Variants in RELN observed in about 807,000 individuals in gnomAD.
RELN encodes reelin.
In RELN, 108 loss-of-function variants were observed where a neutral mutation model predicts 427.6. The observed-to-expected ratio is 0.25, with a 90% CI of 0.22 to 0.30. The LOEUF (loss-of-function observed/expected upper bound fraction) is 0.30, where lower values mean the gene tolerates loss of function less well. RELN is among the 10% of genes least tolerant of loss of function. The pLI, the probability that RELN is intolerant of heterozygous loss-of-function variation, is 1.00. For synonymous variants in RELN, 1,524 were observed against 1,513.4 expected (o/e 1.01, Z -0.16); for missense variants, 3,715 against 4,302.8 (o/e 0.86, Z 3.82).
At chr7:103,761,711 C>T (rs1309357159) in intron 4 of RELN, among the ~76,000 whole-genome samples, 1 of 152,152 alleles carries the variant, frequency 6.6e-6, no homozygotes, top group East Asian at 1.9e-4. Context: ...CCGCCTCAGC[C>T]TCCCAAAGTG....
At chr7:103,923,552 G>A (rs755010858) in intron 1 of RELN, among the ~76,000 whole-genome samples, 32 of 152,118 alleles carry the variant, frequency 2.1e-4, no homozygotes, top group Non-Finnish European at 4.0e-4. Flanking sequence ...AATGAAAAGA[G>A]ATCTTAAATA....
chr7:103,540,514 C>A lies in RELN; in HGVS notation c.6672-59G>T, dbSNP rs1420624419. On this transcript the variant is annotated intron_variant, in intron 43 of 64. Coordinates refer to ENST00000428762, the MANE Select transcript of RELN (RefSeq NM_005045.4). Reference sequence around the variant, plus strand: ...TTCCAAAAGAAATCCACATGCTTAACAACAGACAAGCACATGGGGTAATGC... The same window carrying A: ...TTCCAAAAGAAATCCACATGCTTAAAAACAGACAAGCACATGGGGTAATGC... 20 of 1,562,168 alleles carry A rather than the reference C, an allele frequency of 1.3e-5. No individual in the cohort carries two copies. In the East Asian group the frequency reaches 4.5e-4, roughly 35 times the overall value.
chr7:103,840,689 C>T (rs1446638607), intron 2 of RELN, among the ~76,000 whole-genome samples: 1 of 152,166 alleles, frequency 6.6e-6, no homozygotes, highest in East Asian at 1.9e-4. Flanking sequence ...CCATGGTGAT[C>T]TTTTTAATGC....
chr7:103,635,656 A>G, intron 18 of RELN, 70 bp from the exon 19 acceptor site: 1 of 1,338,804 alleles, frequency 7.5e-7, no homozygotes, highest in South Asian at 1.2e-5. Flanking sequence ...TTTGGTCTTT[A>G]AAGAATTTCA....
chr7:103,579,776 C>T (rs1444408406), intron 28 of RELN, among the ~76,000 whole-genome samples: 1 of 152,114 alleles, frequency 6.6e-6, no homozygotes, highest in Non-Finnish European at 1.5e-5. Context: ...GAATCGATTT[C>T]TGCACTGTAC....
At chr7:103,499,123 A>ATAAG (rs963117228) in intron 53 of RELN, among the ~76,000 whole-genome samples, 2 of 152,268 alleles carry the variant, frequency 1.3e-5, no homozygotes, top group South Asian at 2.1e-4. Context: ...ATCTCTCTAT[A>ATAAG]TAAGTCAAAA....
chr7:103,600,286 T>C (rs1320513772), intron 24 of RELN, among the ~76,000 whole-genome samples: 3 of 152,198 alleles, frequency 2.0e-5, no homozygotes, highest in Non-Finnish European at 4.4e-5. Flanking sequence ...CACTTCAACA[T>C]GCTTGCTGGT....
In RELN at chr7:103,871,088, T is replaced by C. The variant is rs78051212; in HGVS notation, c.338-37416A>G. On this transcript the variant is annotated intron_variant, in intron 2 of 64. Transcript: ENST00000428762. ...GTCCAGTAAGTAAAAACCCAATCTA[T>C]TTGGTCCAGTTTTAAGATTGATTAT... 5.5e-4 allele frequency among the ~76,000 whole-genome samples: 84 copies of C among 152,170 alleles called. No homozygotes were observed. In the East Asian group the frequency reaches 0.016, roughly 28 times the overall value.
At chr7:103,812,280 C>T (rs1474387460) in intron 3 of RELN, among the ~76,000 whole-genome samples, 1 of 152,176 alleles carries the variant, frequency 6.6e-6, no homozygotes, top group African/African-American at 2.4e-5. Context: ...GTCCCTAAAG[C>T]TGCCCAGGAC....
chr7:103,875,089 G>C lies in RELN; in HGVS notation c.338-41417C>G, dbSNP rs566245275. On this transcript the variant is annotated intron_variant, in intron 2 of 64. Coordinates refer to ENST00000428762, the MANE Select transcript of RELN (RefSeq NM_005045.4). ...ACTATCTGATCTTTGACAAACCTGA[G>C]AAAAACAAGCAATGGGGAAAGGATT... Among the ~76,000 whole-genome samples the C allele has an allele frequency of 2.4e-4, 35 of 145,530 alleles. 1 individual carries two copies. The East Asian group carries it at 3.6e-3, about 15-fold the overall frequency.
chr7:103,522,852 C>CA (rs1554369904), intron 47 of RELN, among the ~76,000 whole-genome samples: 2 of 150,606 alleles, frequency 1.3e-5, no homozygotes, highest in East Asian at 1.9e-4. Flanking sequence ...CACACACACA[C>CA]CCCCACACCT....
Position 103,563,390 on chromosome 7 carries a change from A to G in RELN, c.5211-1437T>C, listed in dbSNP as rs1187635963. Among the ~76,000 whole-genome samples the G allele has an allele frequency of 1.3e-5, 2 of 152,240 alleles. No individual in the cohort carries two copies. The highest frequency in any genetic ancestry group is 4.8e-5 in the African/African-American group (2 of 41,462). On this transcript the variant is annotated intron_variant, in intron 34 of 64. Transcript: ENST00000428762. The surrounding 1 kb of genome is among the most constrained non-coding windows in gnomAD (Gnocchi z 4.1). ...TATTTTTGTGTCTAAGTTTTTAAGA[A>G]AGAAGTTTTCAAAGTTAAAGTTCTC...
intron 7 of RELN, among the ~76,000 whole-genome samples, chr7:103,726,693 T>C (rs1207098041): frequency 1.3e-5 from 2 of 152,238 alleles, no homozygotes; most frequent in Non-Finnish European, 2.9e-5. Context: ...TTTCCAGGAA[T>C]ATTACTAAAT....
In RELN at chr7:103,986,184, C is replaced by T. The variant is rs758698042; in HGVS notation, c.226+2947G>A. ...TCATGGTTCATTGTGACTAATAATG[C>T]CCTTTCAAAAGAGTCAGAGATAACA... On this transcript the variant is annotated intron_variant, in intron 1 of 64. Transcript: ENST00000428762. Among the ~76,000 whole-genome samples, 36 of 152,206 alleles carry T rather than the reference C, an allele frequency of 2.4e-4. 1 individual carries two copies. Among genetic ancestry groups the T allele is most frequent in the Middle Eastern group, 3.4e-3 (1 of 294 alleles).
chr7:103,695,748 AG>A (rs934259667), intron 10 of RELN, among the ~76,000 whole-genome samples: 3 of 152,152 alleles, frequency 2.0e-5, no homozygotes, highest in Non-Finnish European at 2.9e-5. Flanking sequence ...TCTGCTTGCC[AG>A]TGTTGAACAA....
chr7:103,674,213 T>C (rs1833459612), intron 11 of RELN, among the ~76,000 whole-genome samples: 1 of 152,182 alleles, frequency 6.6e-6, no homozygotes, highest in Non-Finnish European at 1.5e-5. Context: ...TCAACAATCA[T>C]ATATTTCCAT....
At chr7:103,652,445 TACTTAAAATCC>T in intron 14 of RELN, 95 bp downstream of exon 14, 1 of 869,222 alleles carries the variant, frequency 1.2e-6, no homozygotes. Context: ...ATGAGTATTT[TACTTAAAATCC>T]AGTTAAAACT....
Position 103,620,474 on chromosome 7 carries a change from CAT to C in RELN, c.2703-8673_2703-8672del, listed in dbSNP as rs1562926518. ...GGTTGAAGATAACTCACCCGATCCACATTTTTTTTTTTTTTTTGAGATAGAGT... is the reference window on the plus strand; with the variant it reads ...GGTTGAAGATAACTCACCCGATCCACTTTTTTTTTTTTTTTGAGATAGAGT... On this transcript the variant is annotated intron_variant, in intron 20 of 64. Coordinates refer to ENST00000428762, the MANE Select transcript of RELN (RefSeq NM_005045.4). This position sits in a 1 kb window ranked among gnomAD's most constrained non-coding sequence, Gnocchi z 4.1. Among the ~76,000 whole-genome samples the C allele has an allele frequency of 1.0e-5, 1 of 100,364 alleles. No homozygotes were observed. Among genetic ancestry groups the C allele is most frequent in the Non-Finnish European group, 1.9e-5 (1 of 52,514 alleles). The allele number at this position is 100,364 out of a possible 152,430, so 65.8% of individuals were successfully genotyped here. A position where few individuals can be genotyped will look rare whatever the true frequency, so the allele number is the denominator to read the frequency against.
intron 6 of RELN, among the ~76,000 whole-genome samples, chr7:103,735,871 G>C (rs974243920): frequency 6.6e-6 from 1 of 152,190 alleles, no homozygotes; most frequent in Non-Finnish European, 1.5e-5. Context: ...CATTCTATAA[G>C]CTTGCATTTC....
Sources: allele counts gnomAD v4.1 joint callset (sites outside exome capture counted in the v4.1 genomes callset), GRCh38; gene constraint gnomAD v4.1.1; non-coding constraint Gnocchi (gnomAD v3.1); transcripts MANE v1.5; gene names NCBI Gene and HGNC (gene_info 2026-07-23, HGNC 2026-07-21).